The following ADGRF1 variants were observed in gnomAD, a reference collection of about 807,000 sequenced individuals.
ADGRF1 encodes G protein-coupled receptor 110.
A neutral mutation model predicts 87.2 loss-of-function variants in ADGRF1; 85 were observed. The observed-to-expected ratio is 0.97, with a 90% CI of 0.82 to 1.17. ADGRF1 has a LOEUF of 1.17. Ranked by LOEUF, ADGRF1 falls within the 50% of genes most tolerant of loss-of-function variation. ADGRF1 has a pLI of 0.00. For missense variants in ADGRF1, 1,169 were observed against 1,077.2 expected, an observed-to-expected ratio of 1.09 and a Z score of -1.19; for synonymous variants, 430 against 408.8, an observed-to-expected ratio of 1.05 and a Z score of -0.63.
chr6:47,007,947 T>G (rs1391658065), intron 11 of ADGRF1, among the ~76,000 whole-genome samples: 1 of 152,226 alleles, frequency 6.6e-6, no homozygotes, highest in Non-Finnish European at 1.5e-5. Context: ...GGTTGCTGAA[T>G]AGATGGAGAA....
At chr6:47,018,810 T>C in intron 7 of ADGRF1, 1 of 278,418 alleles carries the variant, frequency 3.6e-6, no homozygotes, top group Non-Finnish European at 7.0e-6. Flanking sequence ...AGTAAAACTT[T>C]AGGCTGGGCT....
chr6:47,016,644 C>T lies in ADGRF1; in HGVS notation c.736G>A (p.Asp246Asn), dbSNP rs1448399474. The change falls in exon 8 of 15, where the codon GAC (aspartate) becomes AAC (asparagine). Residue 246 changes from aspartate to asparagine, a missense_variant. Physicochemically the swap from Asp to Asn is conservative, Grantham distance 23. Transcript: ENST00000371253. ...TALHKLFPLE[D>N]GSFRVFGKAQ... ...TTTCCGAACACTCTGAAAGAGCCGT[C>T]TTCTAATGGAAACAGCTTGTGAAGG... The T allele has an allele frequency of 6.2e-7, 1 of 1,610,160 alleles. No individual in the cohort carries two copies. Among genetic ancestry groups the T allele is most frequent in the South Asian group, 1.1e-5 (1 of 90,674 alleles).
chr6:47,041,190 T>C (rs1245840456), intron 1 of ADGRF1, among the ~76,000 whole-genome samples: 1 of 152,268 alleles, frequency 6.6e-6, no homozygotes, highest in East Asian at 1.9e-4. Flanking sequence ...GGACCATTAT[T>C]AGAACACTGT....
At chr6:47,035,522 G>T (rs1407364593) in intron 1 of ADGRF1, among the ~76,000 whole-genome samples, 1 of 152,074 alleles carries the variant, frequency 6.6e-6, no homozygotes, top group African/African-American at 2.4e-5. Context: ...GATTATTTTG[G>T]CAATTGTGTA....
chr6:47,011,766 AC>A, intron 10 of ADGRF1, among the ~76,000 whole-genome samples: 1 of 152,170 alleles, frequency 6.6e-6, no homozygotes, highest in Non-Finnish European at 1.5e-5. Flanking sequence ...GCAAAAGCTT[AC>A]CCCCTCCTCT....
chr6:47,017,815 G>C (rs914252978), intron 7 of ADGRF1: 2 of 152,340 alleles, frequency 1.3e-5, no homozygotes, highest in African/African-American at 2.4e-5. Context: ...ATGGAAAGAG[G>C]CTGGAAAGCA....
At chr6:47,031,622 G>A (rs368093104) in intron 1 of ADGRF1, among the ~76,000 whole-genome samples, 7 of 152,204 alleles carry the variant, frequency 4.6e-5, no homozygotes, top group African/African-American at 1.7e-4. Flanking sequence ...GGAAGAGAAG[G>A]AAAGGAGAAA....
At position 47,009,087 on chromosome 6, in the gene ADGRF1, T is replaced by C; in HGVS notation, c.2348A>G (p.Lys783Arg). 2 of 1,614,098 alleles carry C rather than the reference T, an allele frequency of 1.2e-6. No homozygotes were observed. Among genetic ancestry groups the C allele is most frequent in the Non-Finnish European group, 1.7e-6 (2 of 1,180,006 alleles). Residue 783 changes from lysine (K) to arginine (R), a missense_variant, in exon 11 of 15, where the codon AAG (lysine) becomes AGG (arginine). Physicochemically the swap from Lys to Arg is conservative, Grantham distance 26. Coordinates refer to ENST00000371253, the MANE Select transcript of ADGRF1 (RefSeq NM_153840.4). ...TVGERLSRDDKATIIRVGKSL... is the reference protein window; with the variant it reads ...TVGERLSRDDRATIIRVGKSL... ...CTTCCCCACGCGGATGATGGTGGCC[T>C]TGTCATCCCGACTCAGTCTTTCCCC...
intron 6 of ADGRF1, among the ~76,000 whole-genome samples, chr6:47,021,668 A>T (rs1335395323): frequency 1.3e-5 from 2 of 152,140 alleles, no homozygotes; most frequent in Non-Finnish European, 1.5e-5. Flanking sequence ...GTCCATAAAA[A>T]TTTTTTATAA....
At chr6:47,022,804 C>CTTTTTTTTTTTTTTTTTTTTTTTTT (rs11286179) in intron 5 of ADGRF1, among the ~76,000 whole-genome samples, 2 of 119,278 alleles carry the variant, frequency 1.7e-5, no homozygotes, top group Admixed American at 8.7e-5. Flanking sequence ...TTTCTTTTTT[C>CTTTTTTTTTTTTTTTTTTTTTTTTT]TTTTTTTTTT....
chr6:47,023,149 G>A (rs1054715624), intron 5 of ADGRF1, among the ~76,000 whole-genome samples: 1 of 152,156 alleles, frequency 6.6e-6, no homozygotes, highest in Non-Finnish European at 1.5e-5. Context: ...ATTCATTGAA[G>A]AAATTACATT....
chr6:47,032,735 G>T (rs982410452), intron 1 of ADGRF1, among the ~76,000 whole-genome samples: 1 of 152,174 alleles, frequency 6.6e-6, no homozygotes, highest in African/African-American at 2.4e-5. Context: ...TACCCAGAGT[G>T]GTGCCTAGTA....
At chr6:47,020,071 T>C (rs1303979322) in intron 7 of ADGRF1, 1 of 1,005,560 alleles carries the variant, frequency 9.9e-7, no homozygotes, top group Non-Finnish European at 1.2e-6. Context: ...CCGCAACCCT[T>C]ATCCCCAACC....
At chr6:47,013,230 T>A in intron 9 of ADGRF1, 1 of 985,526 alleles carries the variant, frequency 1.0e-6, no homozygotes, top group Non-Finnish European at 1.2e-6. Flanking sequence ...TCTTCTCAAC[T>A]GACAATGCTG....
At position 47,024,119 on chromosome 6, in the gene ADGRF1, T is replaced by A; in HGVS notation, c.376A>T (p.Thr126Ser). Residue 126 changes from threonine (T) to serine (S), a missense_variant, in exon 5 of 15, where the codon ACG becomes TCG. By Grantham distance (58) the Thr-to-Ser change is moderately conservative. Transcript: ENST00000371253. Reference protein sequence around the residue: ...CLDPQNCYLHTAGALPSCECH... With the variant: ...CLDPQNCYLHSAGALPSCECH... Reference sequence around the variant, plus strand: ...TCACAGCTTGGGAGTGCTCCAGCCGTGTGAAGGTAGCAGTTCTGGGGATCA... The same window carrying A: ...TCACAGCTTGGGAGTGCTCCAGCCGAGTGAAGGTAGCAGTTCTGGGGATCA... The A allele has an allele frequency of 6.2e-7, 1 of 1,614,086 alleles. No individual in the cohort carries two copies. Among genetic ancestry groups the A allele is most frequent in the South Asian group, 1.1e-5 (1 of 91,072 alleles).
chr6:47,027,665 C>T (rs747799631), intron 3 of ADGRF1, 39 bp downstream of exon 3: 4 of 1,474,010 alleles, frequency 2.7e-6, no homozygotes, highest in Non-Finnish European at 3.8e-6. Flanking sequence ...TCCCTTGACA[C>T]CAAAATCCAC....
chr6:47,019,788 C>T lies in ADGRF1; in HGVS notation c.611+943G>A, dbSNP rs545544564. ...CAAGTCAATTTCTCTGACCTCTAAG[C>T]CACTTTCTCTAACAAGCAGACAGAT... On this transcript the variant is annotated intron_variant, in intron 7 of 14. Coordinates refer to ENST00000371253, the MANE Select transcript of ADGRF1 (RefSeq NM_153840.4). The T allele has an allele frequency of 2.6e-4, 252 of 984,666 alleles. No individual in the cohort carries two copies. In the African/African-American group the frequency reaches 4.2e-3, roughly 16 times the overall value. 61.0% of individuals were successfully genotyped at this position (984,666 alleles called of 1,614,324 possible). A position where few individuals can be genotyped will look rare whatever the true frequency, so the allele number is the denominator to read the frequency against.
intron 1 of ADGRF1, among the ~76,000 whole-genome samples, chr6:47,038,056 T>G (rs1339720297): frequency 6.6e-6 from 1 of 152,192 alleles, no homozygotes; most frequent in African/African-American, 2.4e-5. Context: ...AGATGTGGTT[T>G]CACCATGTTG....
At chr6:47,029,125 G>A in intron 1 of ADGRF1, 21 bp from the exon 2 acceptor site, 1 of 1,339,838 alleles carries the variant, frequency 7.5e-7, no homozygotes, top group Non-Finnish European at 1.1e-6. Flanking sequence ...AGGGTACCAG[G>A]TAAGGTAGAG....
Sources: gnomAD v4.1 joint callset for allele counts (sites outside exome capture counted in the v4.1 genomes callset) on GRCh38, gnomAD v4.1.1 for gene constraint, MANE v1.5 for transcripts, NCBI Gene and HGNC (gene_info 2026-07-23, HGNC 2026-07-21) for gene names.